The following KIF26A variants were observed in gnomAD, a reference collection of about 807,000 sequenced individuals.
KIF26A encodes the protein kinesin family member 26A.
Under a neutral mutation model 126.0 loss-of-function variants are expected in KIF26A, and 74 were observed. That is an observed-to-expected ratio of 0.59 (90% CI 0.49 to 0.71). KIF26A has a LOEUF of 0.71. KIF26A is among the 30% of genes least tolerant of loss of function. The pLI is 0.00. For synonymous variants in KIF26A, 1,445 were observed against 1,232.7 expected (o/e 1.17, Z -3.61); for missense variants, 2,984 against 2,763.3 (o/e 1.08, Z -1.79).
At chr14:104,138,997 C>A in intron 1 of KIF26A, 46 bp from the exon 2 acceptor site, 1 of 1,323,522 alleles carries the variant, frequency 7.6e-7, no homozygotes, top group Non-Finnish European at 9.6e-7. Context: ...CTGGATCCGA[C>A]GGACGTCCCA....
At chr14:104,171,964 C>T (rs2141114112) in intron 6 of KIF26A, 29 bp downstream of exon 6, 3 of 1,537,394 alleles carry the variant, frequency 2.0e-6, no homozygotes, top group Non-Finnish European at 2.6e-6. Flanking sequence ...GGCGTCCTCC[C>T]GGAGACCCGG....
chr14:104,174,297 G>T lies in KIF26A; in HGVS notation c.2180G>T (p.Arg727Met). The change falls in exon 11 of 15, where the codon AGG becomes ATG. Residue 727 changes from arginine (R) to methionine (M), a missense_variant. Coordinates refer to ENST00000423312, the MANE Select transcript of KIF26A (RefSeq NM_015656.2). ...GCCGCCCGCATCCACCGCCTGCGCA[G>T]GAAGAAGGCCAAGGTGCTCCCCACC... ...QLAARIHRLR[R>M]KKAKYASSSS... 6.5e-7 allele frequency: 1 copy of T among 1,549,496 alleles called. No individual in the cohort carries two copies. The highest frequency in any genetic ancestry group is 1.4e-5 in the African/African-American group (1 of 72,586).
rs779014504 is a variant in KIF26A, at chr14:104,151,306, C to G, written c.289-709C>G. ...AGGGTTCTAGAGAAACCTGTGTGTC[C>G]CCCCAGTTCAGGGAAGGGGGCAGTC... On this transcript the variant is annotated intron_variant, in intron 2 of 14. Coordinates refer to ENST00000423312, the MANE Select transcript of KIF26A (RefSeq NM_015656.2). The surrounding 1 kb of genome is among the most constrained non-coding windows in gnomAD (Gnocchi z 4.9). Among the ~76,000 whole-genome samples, 2 of 152,054 alleles carry G rather than the reference C, an allele frequency of 1.3e-5. No homozygotes were observed. Among genetic ancestry groups the G allele is most frequent in the Non-Finnish European group, 2.9e-5 (2 of 67,984 alleles).
chr14:104,173,386 G>C lies in KIF26A; in HGVS notation c.1740G>C (p.Leu580=). 6.3e-7 allele frequency: 1 copy of C among 1,589,872 alleles called. No individual in the cohort carries two copies. Among genetic ancestry groups the C allele is most frequent in the Non-Finnish European group, 8.6e-7 (1 of 1,169,376 alleles). ...CGGCCGAGAAGGCGGCTTTCTACCT[G>C]GATGCGGCCCTGGCGGCCCGCAGCA... ...APTAEKAAFY[L]DAALAARSTS... is the part of the protein sequence containing the mutation. Residue 580 remains leucine (L), a synonymous_variant, in exon 9 of 15, where the codon CTG becomes CTC. Transcript: ENST00000423312.
intron 4 of KIF26A, among the ~76,000 whole-genome samples, chr14:104,166,657 G>A (rs1310360526): frequency 6.6e-6 from 1 of 150,592 alleles, no homozygotes; most frequent in Non-Finnish European, 1.5e-5. Context: ...AGAGTCCCTG[G>A]GGCAGGGACG....
chr14:104,142,332 C>T (rs2037645031), intron 2 of KIF26A, among the ~76,000 whole-genome samples: 1 of 152,128 alleles, frequency 6.6e-6, no homozygotes, highest in Non-Finnish European at 1.5e-5. Context: ...TCCTGCTCCT[C>T]ACTGTGTCCC....
intron 4 of KIF26A, among the ~76,000 whole-genome samples, chr14:104,166,186 C>CCA (rs1555389013): frequency 8.9e-5 from 13 of 145,640 alleles, no homozygotes; most frequent in African/African-American, 3.4e-4. Context: ...TGGCAGGGGC[C>CCA]CAGGAGCTGG....
chr14:104,156,318 G>T (rs566894283), intron 3 of KIF26A, among the ~76,000 whole-genome samples: 1 of 152,340 alleles, frequency 6.6e-6, no homozygotes, highest in East Asian at 1.9e-4. Flanking sequence ...AGGGCTGGCC[G>T]GGCTGGGTTC....
intron 10 of KIF26A, 60 bp downstream of exon 10, chr14:104,173,928 CGT>C (rs2037987939): frequency 6.6e-7 from 1 of 1,514,302 alleles, no homozygotes; most frequent in Non-Finnish European, 8.8e-7. Context: ...CTGGTAAATC[CGT>C]GTCTGGTGTG....
chr14:104,178,253 G>A (rs1040678548), intron 12 of KIF26A, among the ~76,000 whole-genome samples: 4 of 152,202 alleles, frequency 2.6e-5, no homozygotes, highest in South Asian at 2.1e-4. Flanking sequence ...CCTCCCTGGC[G>A]AGTGTCGAGC....
At chr14:104,173,916 A>ACCTGGTAAAT in intron 10 of KIF26A, 48 bp downstream of exon 10, 1 of 1,524,522 alleles carries the variant, frequency 6.6e-7, no homozygotes, top group South Asian at 1.3e-5. Flanking sequence ...CCCCTTGGTG[A>ACCTGGTAAAT]CCTGGTAAAT....
Position 104,152,488 on chromosome 14 carries a change from G to A in KIF26A, c.735+27G>A, listed in dbSNP as rs1240795319. The stretch of plus-strand genomic sequence containing the variant: ...TGAGTGTCTTGCTCAGCGGATGGGA[G>A]CTGCTGGCCTCCTTGTCAGAACTGG... On this transcript the variant is annotated intron_variant, in intron 3 of 14. Coordinates refer to ENST00000423312, the MANE Select transcript of KIF26A (RefSeq NM_015656.2). This position sits in a 1 kb window ranked among gnomAD's most constrained non-coding sequence, Gnocchi z 5.9. The A allele has an allele frequency of 1.3e-6, 2 of 1,516,770 alleles. No individual in the cohort carries two copies. Among genetic ancestry groups the A allele is most frequent in the Admixed American group, 2.2e-5 (1 of 45,204 alleles). 94.0% of individuals were successfully genotyped at this position (1,516,770 alleles called of 1,614,324 possible).
At chr14:104,145,250 G>T (rs879382610) in intron 2 of KIF26A, among the ~76,000 whole-genome samples, 1 of 152,232 alleles carries the variant, frequency 6.6e-6, no homozygotes, top group African/African-American at 2.4e-5. Context: ...CAGTGTCTCC[G>T]TTTCGTTCAC....
chr14:104,178,355 G>T (rs28429585), intron 12 of KIF26A, among the ~76,000 whole-genome samples, 195 bp from the exon 13 acceptor site: 1 of 152,090 alleles, frequency 6.6e-6, no homozygotes, highest in Non-Finnish European at 1.5e-5. Flanking sequence ...TGGTGGGGGC[G>T]CCCTTGAGAG....
Position 104,176,846 on chromosome 14 carries a change from T to G in KIF26A, c.4058T>G (p.Leu1353Arg). 1.9e-6 allele frequency: 3 copies of G among 1,545,076 alleles called. No individual in the cohort carries two copies. Among genetic ancestry groups the G allele is most frequent in the Non-Finnish European group, 2.6e-6 (3 of 1,145,840 alleles). Reference sequence around the variant, plus strand: ...GGTCTGGCTCCCAAGGCGGGCTTCCTCCCGAGGCCCAGTGGGGCGGCCCCC... The same window carrying G: ...GGTCTGGCTCCCAAGGCGGGCTTCCGCCCGAGGCCCAGTGGGGCGGCCCCC... Reference protein sequence around the residue: ...KKGLAPKAGFLPRPSGAAPPA... With the variant: ...KKGLAPKAGFRPRPSGAAPPA... Residue 1353 changes from leucine to arginine, a missense_variant, in exon 12 of 15, where the codon CTC becomes CGC. Coordinates refer to ENST00000423312, the MANE Select transcript of KIF26A (RefSeq NM_015656.2).
intron 3 of KIF26A, among the ~76,000 whole-genome samples, chr14:104,155,218 T>C (rs983308940): frequency 6.6e-6 from 1 of 152,130 alleles, no homozygotes; most frequent in African/African-American, 2.4e-5. Flanking sequence ...AGTGAGGTGT[T>C]TATCTGGGGG....
chr14:104,139,102 G>A lies in KIF26A; in HGVS notation c.102G>A (p.Lys34=), dbSNP rs1324856428. The change falls in exon 2 of 15, where the codon AAG becomes AAA. Residue 34 remains lysine (K), a synonymous_variant. Coordinates refer to ENST00000423312, the MANE Select transcript of KIF26A (RefSeq NM_015656.2). ...CGCTGCTGGAGGTGTCCCCCCGAAA[G>A]AGGCTACCCGCCGGGCCCGACCAGG... ...PPPLLEVSPR[K]RLPAGPDQDP... is the part of the protein sequence containing the mutation. The A allele has an allele frequency of 1.4e-6, 2 of 1,468,106 alleles. No homozygotes were observed. Among genetic ancestry groups the A allele is most frequent in the Non-Finnish European group, 1.8e-6 (2 of 1,112,324 alleles). The allele number at this position is 1,468,106 out of a possible 1,614,324, so 90.9% of individuals were successfully genotyped here.
Position 104,175,033 on chromosome 14 carries a change from C to A in KIF26A, c.2245C>A (p.Arg749Ser). The A allele has an allele frequency of 6.4e-7, 1 of 1,563,622 alleles. No homozygotes were observed. The change falls in exon 12 of 15, where the codon CGT (arginine) becomes AGT (serine). Residue 749 changes from arginine to serine, a missense_variant. Arg to Ser is a moderately radical substitution (Grantham distance 110). Coordinates refer to ENST00000423312, the MANE Select transcript of KIF26A (RefSeq NM_015656.2). ...GESSCEEGRA[R>S]RPPHLRPFHP... ...GAGCTCCTGTGAGGAAGGCCGGGCC[C>A]GTCGGCCCCCGCACCTGCGGCCCTT...
chr14:104,172,853 C>T (rs1038820223), intron 7 of KIF26A, 124 bp from the exon 8 acceptor site: 1 of 1,338,872 alleles, frequency 7.5e-7, no homozygotes, highest in Non-Finnish European at 1.0e-6. Context: ...AGGCAGAGGG[C>T]TTAGGATGGA....
Sources: allele counts gnomAD v4.1 joint callset (sites outside exome capture counted in the v4.1 genomes callset), GRCh38; gene constraint gnomAD v4.1.1; non-coding constraint Gnocchi (gnomAD v3.1); transcripts MANE v1.5; gene names NCBI Gene and HGNC (gene_info 2026-07-23, HGNC 2026-07-21).